Variants in USH2A observed in about 807,000 individuals in gnomAD.
USH2A encodes usherin.
A neutral mutation model predicts 538.9 loss-of-function variants in USH2A; 443 were observed. That is an observed-to-expected ratio of 0.82 (90% CI 0.76 to 0.89). The LOEUF is 0.89. USH2A is among the 40% of genes least tolerant of loss of function. The probability of loss-of-function intolerance (pLI) is 0.00; values close to 1 mark genes in which losing one functional copy is unlikely to be tolerated. For synonymous variants in USH2A, 2,413 were observed against 2,273.5 expected, an observed-to-expected ratio of 1.06 and a Z score of -1.75; for missense variants, 6,633 against 6,324.8, an observed-to-expected ratio of 1.05 and a Z score of -1.65.
At chr1:216,347,759 C>T (rs2038206486) in intron 4 of USH2A, among the ~76,000 whole-genome samples, 1 of 152,044 alleles carries the variant, frequency 6.6e-6, no homozygotes, top group Admixed American at 6.6e-5. Flanking sequence ...CGTTCTAAAA[C>T]TTTTTGTCAT....
intron 15 of USH2A, among the ~76,000 whole-genome samples, chr1:216,211,898 TATC>T (rs2035248934): frequency 6.6e-6 from 1 of 152,142 alleles, no homozygotes; most frequent in Non-Finnish European, 1.5e-5. Flanking sequence ...GAGCCACAAA[TATC>T]ATCAACTGCC....
chr1:216,072,716 C>A, intron 29 of USH2A, 173 bp downstream of exon 29: 1 of 666,366 alleles, frequency 1.5e-6, no homozygotes, highest in South Asian at 1.7e-5. Context: ...ATGAAAAGCA[C>A]TGATCTACTA....
intron 13 of USH2A, among the ~76,000 whole-genome samples, chr1:216,244,470 T>C (rs1383221124): frequency 6.6e-6 from 1 of 151,870 alleles, no homozygotes; most frequent in Non-Finnish European, 1.5e-5. Context: ...CAATACTATA[T>C]AGGGTAGACA....
intron 44 of USH2A, among the ~76,000 whole-genome samples, chr1:215,861,627 G>C (rs1401099336): frequency 6.6e-6 from 1 of 152,124 alleles, no homozygotes; most frequent in East Asian, 1.9e-4. Context: ...AAGAGAACAA[G>C]TAGGCACACA....
intron 41 of USH2A, among the ~76,000 whole-genome samples, chr1:215,881,064 C>A (rs1017971894): frequency 2.0e-5 from 3 of 152,156 alleles, no homozygotes; most frequent in Admixed American, 1.3e-4. Flanking sequence ...AGAGATTGCA[C>A]CATTGAACTC....
At chr1:216,213,239 T>C (rs959199619) in intron 15 of USH2A, among the ~76,000 whole-genome samples, 4 of 152,184 alleles carry the variant, frequency 2.6e-5, no homozygotes, top group Admixed American at 1.3e-4. Flanking sequence ...CTAGTAGCTT[T>C]CTTGTGAATT....
rs1333448210 is a variant in USH2A, at chr1:215,817,089, C to T, written c.9478G>A (p.Val3160Met). The T allele has an allele frequency of 2.5e-6, 4 of 1,612,756 alleles. No homozygotes were observed. The Admixed American group carries it at 6.7e-5, about 27-fold the overall frequency. Residue 3160 changes from valine to methionine, a missense_variant, in exon 48 of 72, where the codon GTG becomes ATG. Transcript: ENST00000307340. Reference sequence around the variant, plus strand: ...CAGAGCTCATCACTCTGATCCTGCACTAACTTTTGAGTTTTAGCGCATGGA... The same window carrying T: ...CAGAGCTCATCACTCTGATCCTGCATTAACTTTTGAGTTTTAGCGCATGGA... Reference protein sequence around the residue: ...WYPCAKTQKLVQDQSDELCKA... With the variant: ...WYPCAKTQKLMQDQSDELCKA...
chr1:215,801,347 T>C (rs1418308372), intron 49 of USH2A, among the ~76,000 whole-genome samples: 3 of 150,986 alleles, frequency 2.0e-5, no homozygotes, highest in African/African-American at 7.3e-5. Flanking sequence ...AGCAAAACTA[T>C]GTGTTCTCAG....
chr1:215,901,508 G>T, intron 38 of USH2A: 1 of 160,756 alleles, frequency 6.2e-6, no homozygotes, highest in Admixed American at 5.8e-5. Context: ...TTTTCCCTAT[G>T]TGTTTTATAC....
chr1:216,298,664 T>G (rs1434428046), intron 9 of USH2A, among the ~76,000 whole-genome samples: 3 of 152,210 alleles, frequency 2.0e-5, no homozygotes, highest in African/African-American at 4.8e-5. Flanking sequence ...GCTGTTATTT[T>G]TTGATTCTCA....
intron 38 of USH2A, chr1:215,901,422 A>T (rs1053786113): frequency 1.0e-5 from 2 of 198,890 alleles, no homozygotes; most frequent in African/African-American, 4.8e-5. Flanking sequence ...TTCTGGAATG[A>T]TAAATAAACA....
At chr1:216,074,955 T>C (rs1340360602) in intron 27 of USH2A, among the ~76,000 whole-genome samples, 1 of 152,174 alleles carries the variant, frequency 6.6e-6, no homozygotes, top group African/African-American at 2.4e-5. Context: ...ACAATGTGAA[T>C]GTACCTAATG....
At chr1:215,955,923 T>C (rs537476607) in intron 37 of USH2A, among the ~76,000 whole-genome samples, 6 of 152,176 alleles carry the variant, frequency 3.9e-5, no homozygotes, top group Non-Finnish European at 7.4e-5. Flanking sequence ...TCCAAGGAAG[T>C]TGATCCCTAG....
At chr1:216,006,928 C>A (rs1320479603) in intron 32 of USH2A, among the ~76,000 whole-genome samples, 1 of 152,166 alleles carries the variant, frequency 6.6e-6, no homozygotes, top group Non-Finnish European at 1.5e-5. Context: ...TTGGCTATGT[C>A]CCCACCTAAA....
At chr1:215,897,817 A>G (rs1053142959) in intron 40 of USH2A, among the ~76,000 whole-genome samples, 6 of 152,004 alleles carry the variant, frequency 3.9e-5, no homozygotes, top group Non-Finnish European at 8.8e-5. Flanking sequence ...AGAAGAAAGA[A>G]AGAGAAAGAA....
intron 38 of USH2A, among the ~76,000 whole-genome samples, chr1:215,912,206 G>A (rs1166046500): frequency 6.6e-6 from 1 of 151,824 alleles, no homozygotes; most frequent in African/African-American, 2.4e-5. Context: ...TAACCTATGT[G>A]ATCCCATTTG....
At chr1:216,004,801 C>A (rs975832256) in intron 32 of USH2A, among the ~76,000 whole-genome samples, 1 of 151,972 alleles carries the variant, frequency 6.6e-6, no homozygotes, top group Non-Finnish European at 1.5e-5. Context: ...GAGTTTTGTC[C>A]TTGAATATGT....
chr1:216,372,537 G>A lies in USH2A; in HGVS notation c.652-7452C>T, dbSNP rs543668197. On this transcript the variant is annotated intron_variant, in intron 3 of 71. Coordinates refer to ENST00000307340, the MANE Select transcript of USH2A (RefSeq NM_206933.4). ...CCACCAAACAAGTCTCCATTTAATT[G>A]ATCTTTAAAAATTTAACATAGGAAT... Among the ~76,000 whole-genome samples, 104 of 152,050 alleles carry A rather than the reference G, an allele frequency of 6.8e-4. 1 individual carries two copies. The highest frequency in any genetic ancestry group is 2.4e-3 in the African/African-American group (98 of 41,484).
Position 216,078,021 on chromosome 1 carries a change from A to G in USH2A, c.5572+68T>C, listed in dbSNP as rs12085544. On this transcript the variant is annotated intron_variant, in intron 27 of 71. Transcript: ENST00000307340. ...TGAGTCTATTGCTATCTCTTGAAAC[A>G]CAGAACCACCAAAAACTGTTAGCAC... 4,105 of 1,603,154 alleles carry G rather than the reference A, an allele frequency of 2.6e-3. 97 individuals carry two copies. In the African/African-American group the frequency reaches 0.048, roughly 19 times the overall value.
Sources: gnomAD v4.1 joint callset for allele counts (sites outside exome capture counted in the v4.1 genomes callset) on GRCh38, gnomAD v4.1.1 for gene constraint, MANE v1.5 for transcripts, NCBI Gene and HGNC (gene_info 2026-07-23, HGNC 2026-07-21) for gene names.